ATL1: variants seen among roughly 807,000 people sequenced by gnomAD.
ATL1 encodes atlastin-1.
Under a neutral mutation model 75.5 loss-of-function variants are expected in ATL1, and 31 were observed. The ratio of observed to expected loss-of-function variants is 0.41; its 90% CI spans 0.31 to 0.55. ATL1 has a LOEUF of 0.55. ATL1 is among the 20% of genes least tolerant of loss of function. The probability of loss-of-function intolerance (pLI) is 0.27; values close to 1 mark genes in which losing one functional copy is unlikely to be tolerated. For missense variants in ATL1, 405 were observed against 662.6 expected (o/e 0.61, Z 4.27); for synonymous variants, 226 against 233.3 (o/e 0.97, Z 0.28).
chr14:50,541,810 G>A (rs182501584), intron 1 of ATL1, among the ~76,000 whole-genome samples: 1 of 151,784 alleles, frequency 6.6e-6, no homozygotes, highest in Admixed American at 6.6e-5. Context: ...CACGAGGTCA[G>A]GAGATTGAGA....
At position 50,613,186 on chromosome 14, in the gene ATL1, T is replaced by C. The variant is rs959026516; in HGVS notation, c.631-73T>C. On this transcript the variant is annotated intron_variant, in intron 6 of 13. Coordinates refer to ENST00000358385, the MANE Select transcript of ATL1 (RefSeq NM_015915.5). ...CGATATTCAAATGACAGTGATATTA[T>C]AACTGGTTTCCATATAAAGCAAAGG... The C allele has an allele frequency of 1.1e-5, 12 of 1,062,442 alleles. No homozygotes were observed. In the African/African-American group the frequency reaches 1.9e-4, roughly 17 times the overall value. The allele number at this position is 1,062,442 out of a possible 1,614,324, so 65.8% of individuals were successfully genotyped here.
At chr14:50,563,180 T>G (rs1050985384) in intron 1 of ATL1, among the ~76,000 whole-genome samples, 1 of 152,216 alleles carries the variant, frequency 6.6e-6, no homozygotes, top group African/African-American at 2.4e-5. Flanking sequence ...CTCTTAAGTA[T>G]GTGTCTTAGG....
intron 6 of ATL1, 80 bp downstream of exon 6, chr14:50,595,712 TTTCC>T (rs2039209793): frequency 7.7e-7 from 1 of 1,296,222 alleles, no homozygotes; most frequent in Non-Finnish European, 1.1e-6. Flanking sequence ...TAGGGTCATG[TTTCC>T]TTCTCTTTTT....
chr14:50,546,150 A>G (rs1292256529), intron 1 of ATL1, among the ~76,000 whole-genome samples: 1 of 152,248 alleles, frequency 6.6e-6, no homozygotes, highest in Non-Finnish European at 1.5e-5. Flanking sequence ...AAAAGAGGGT[A>G]AAAGAAGTTT....
intron 6 of ATL1, among the ~76,000 whole-genome samples, chr14:50,601,463 G>C (rs2039271087): frequency 6.6e-6 from 1 of 152,130 alleles, no homozygotes; most frequent in Non-Finnish European, 1.5e-5. Flanking sequence ...GGAGGGAGGA[G>C]GTGAGCCTGA....
chr14:50,625,639 C>T (rs1287104605), intron 11 of ATL1, among the ~76,000 whole-genome samples: 2 of 152,102 alleles, frequency 1.3e-5, no homozygotes, highest in African/African-American at 2.4e-5. Context: ...CATGCTAGGC[C>T]GGGCACGATG....
Position 50,587,946 on chromosome 14 carries a change from A to C in ATL1, c.150A>C (p.Glu50Asp). The change falls in exon 2 of 14, where the codon GAA becomes GAC. Residue 50 changes from glutamate to aspartate, a missense_variant. Glu to Asp is a conservative substitution (Grantham distance 45, BLOSUM62 2). Coordinates refer to ENST00000358385, the MANE Select transcript of ATL1 (RefSeq NM_015915.5). The part of the protein sequence containing the change: ...VKDDHSFELD[E>D]TALNRILLSE... ...ATGACCATTCCTTTGAGTTAGATGA[A>C]ACTGCATTAAATCGGATCCTTCTCT... The C allele has an allele frequency of 2.5e-6, 4 of 1,614,164 alleles. No homozygotes were observed. The highest frequency in any genetic ancestry group is 3.4e-6 in the Non-Finnish European group (4 of 1,180,028).
At chr14:50,623,269 A>G (rs755853571) in intron 11 of ATL1, 21 bp downstream of exon 11, 6 of 1,597,278 alleles carry the variant, frequency 3.8e-6, no homozygotes, top group Non-Finnish European at 5.1e-6. Context: ...AATATTTTAA[A>G]TTCTGTCTTA....
chr14:50,560,164 C>T lies in ATL1; in HGVS notation c.-102C>T, dbSNP rs2038817523. The T allele has an allele frequency of 7.0e-7, 1 of 1,427,574 alleles. No individual in the cohort carries two copies. Among genetic ancestry groups the T allele is most frequent in the Non-Finnish European group, 9.7e-7 (1 of 1,026,590 alleles). 88.4% of individuals were successfully genotyped at this position (1,427,574 alleles called of 1,614,324 possible). On this transcript the variant is annotated 5_prime_UTR_variant, in exon 1 of 14. Coordinates refer to ENST00000358385, the MANE Select transcript of ATL1 (RefSeq NM_015915.5). Reference sequence around the variant, plus strand: ...ATCCTCAGAGTCTGAGCGAACTGCGCCCAGCGCGGGCACGGAGCCTCCCAC... The same window carrying T: ...ATCCTCAGAGTCTGAGCGAACTGCGTCCAGCGCGGGCACGGAGCCTCCCAC...
At chr14:50,556,910 A>G (rs770095266), upstream of ATL1, among the ~76,000 whole-genome samples, 37 of 152,228 alleles carry the variant, frequency 2.4e-4, no homozygotes, top group Middle Eastern at 3.4e-3. Context: ...TGGCACTGGG[A>G]TTGTTTCCAC....
chr14:50,625,461 A>C (rs1226645180), intron 11 of ATL1, among the ~76,000 whole-genome samples: 1 of 152,236 alleles, frequency 6.6e-6, no homozygotes, highest in African/African-American at 2.4e-5. Flanking sequence ...AATATGGATG[A>C]AATAGTCTTC....
intron 10 of ATL1, 120 bp downstream of exon 10, chr14:50,622,019 A>G: frequency 1.3e-6 from 1 of 773,732 alleles, no homozygotes; most frequent in Non-Finnish European, 2.3e-6. Context: ...TATTTGCCTA[A>G]TAACTTTACC....
chr14:50,598,509 C>T (rs1373064635), intron 6 of ATL1, among the ~76,000 whole-genome samples: 5 of 151,868 alleles, frequency 3.3e-5, no homozygotes, highest in African/African-American at 4.8e-5. Flanking sequence ...TACAGGTGCC[C>T]GCCATCATGC....
chr14:50,613,376 A>C (rs1352761298), intron 7 of ATL1, 25 bp downstream of exon 7: 1 of 1,524,888 alleles, frequency 6.6e-7, no homozygotes, highest in Non-Finnish European at 9.1e-7. Context: ...TAGGTGCATG[A>C]AATTTCACTA....
intron 1 of ATL1, among the ~76,000 whole-genome samples, chr14:50,569,444 C>G: frequency 6.6e-6 from 1 of 150,934 alleles, no homozygotes. Flanking sequence ...ACATTACTTT[C>G]TTAAATTATA....
intron 1 of ATL1, among the ~76,000 whole-genome samples, chr14:50,545,991 G>A (rs2038626525): frequency 6.6e-6 from 1 of 152,140 alleles, no homozygotes; most frequent in Admixed American, 6.5e-5. Context: ...CTTTGAATCT[G>A]TTGTTATTAA....
At chr14:50,570,415 G>A (rs1424043199) in intron 1 of ATL1, among the ~76,000 whole-genome samples, 1 of 151,418 alleles carries the variant, frequency 6.6e-6, no homozygotes, top group East Asian at 1.9e-4. Context: ...TCACTCTGTT[G>A]CCCAGGCTAG....
At chr14:50,562,240 T>C (rs1490188144) in intron 1 of ATL1, among the ~76,000 whole-genome samples, 2 of 152,074 alleles carry the variant, frequency 1.3e-5, no homozygotes, top group Non-Finnish European at 2.9e-5. Context: ...GAGACAGAGT[T>C]TCACCATGTT....
chr14:50,556,878 G>A (rs1477433296), upstream of ATL1, among the ~76,000 whole-genome samples: 2 of 152,042 alleles, frequency 1.3e-5, no homozygotes, highest in Non-Finnish European at 2.9e-5. Flanking sequence ...ACTACATTTT[G>A]TTTATCCATT....
Sources: gnomAD v4.1 joint callset for allele counts (sites outside exome capture counted in the v4.1 genomes callset) on GRCh38, gnomAD v4.1.1 for gene constraint, MANE v1.5 for transcripts, NCBI Gene and HGNC (gene_info 2026-07-23, HGNC 2026-07-21) for gene names.